The following CACNA2D3 variants were observed in gnomAD, a reference collection of about 807,000 sequenced individuals.
CACNA2D3 encodes calcium voltage-gated channel auxiliary subunit alpha2delta 3.
A neutral mutation model predicts 160.6 loss-of-function variants in CACNA2D3; 60 were observed. That is an observed-to-expected ratio of 0.37 (90% confidence interval 0.30 to 0.46). The LOEUF (loss-of-function observed/expected upper bound fraction) is 0.46, where lower values mean the gene tolerates loss of function less well. CACNA2D3 is among the 20% of genes least tolerant of loss of function. The pLI is 1.00. For synonymous variants in CACNA2D3, 558 were observed against 492.9 expected (o/e 1.13, Z -1.75); for missense variants, 1,205 against 1,365.0 (o/e 0.88, Z 1.85).
At chr3:54,526,249 T>G (rs1575503808) in intron 5 of CACNA2D3, among the ~76,000 whole-genome samples, 1 of 152,250 alleles carries the variant, frequency 6.6e-6, no homozygotes, top group South Asian at 2.1e-4. Flanking sequence ...TTAATTATGG[T>G]TTTCTTTAAT....
intron 34 of CACNA2D3, among the ~76,000 whole-genome samples, 173 bp from the exon 35 acceptor site, chr3:55,018,033 T>A (rs1343343365): frequency 6.6e-6 from 1 of 152,168 alleles, no homozygotes; most frequent in Non-Finnish European, 1.5e-5. Flanking sequence ...CTTATAGAGT[T>A]GCTTGGCAGA....
At chr3:54,976,410 C>T (rs184160374) in intron 29 of CACNA2D3, among the ~76,000 whole-genome samples, 2 of 151,980 alleles carry the variant, frequency 1.3e-5, no homozygotes, top group Admixed American at 1.3e-4. Flanking sequence ...TGCAGTGCAC[C>T]AGCATGTCAC....
At chr3:54,226,346 T>C (rs1701672751) in intron 2 of CACNA2D3, among the ~76,000 whole-genome samples, 1 of 144,524 alleles carries the variant, frequency 6.9e-6, no homozygotes, top group Non-Finnish European at 1.5e-5. Flanking sequence ...ACAGTTGCTC[T>C]GTCACCCAGG....
chr3:54,172,851 A>G (rs1347958224), intron 2 of CACNA2D3, among the ~76,000 whole-genome samples: 1 of 152,220 alleles, frequency 6.6e-6, no homozygotes, highest in African/African-American at 2.4e-5. Flanking sequence ...AGAGAAATCA[A>G]GTTTCTTTCC....
intron 34 of CACNA2D3, among the ~76,000 whole-genome samples, chr3:55,017,340 C>A (rs749593614): frequency 5.3e-5 from 8 of 152,122 alleles, no homozygotes; most frequent in Non-Finnish European, 1.2e-4. Context: ...AGCCTTCACC[C>A]TTAACCACTA....
intron 14 of CACNA2D3, among the ~76,000 whole-genome samples, chr3:54,822,001 G>A (rs1703614843): frequency 6.6e-6 from 1 of 152,092 alleles, no homozygotes; most frequent in Admixed American, 6.5e-5. Flanking sequence ...CTAAACTGAT[G>A]CAAATGAAGT....
At chr3:54,983,301 C>T (rs1390938816) in intron 29 of CACNA2D3, among the ~76,000 whole-genome samples, 2 of 152,130 alleles carry the variant, frequency 1.3e-5, no homozygotes, top group Non-Finnish European at 2.9e-5. Context: ...TTTTTAGTTG[C>T]ATTAATTTTA....
At chr3:54,733,278 G>A (rs140417603) in intron 11 of CACNA2D3, among the ~76,000 whole-genome samples, 3 of 152,260 alleles carry the variant, frequency 2.0e-5, no homozygotes, top group African/African-American at 7.2e-5. Context: ...AGTTACCCAC[G>A]TCACTTGGCA....
intron 4 of CACNA2D3, among the ~76,000 whole-genome samples, chr3:54,487,169 C>A (rs1038621450): frequency 1.3e-5 from 2 of 152,130 alleles, no homozygotes. Context: ...GAGTTTGAGA[C>A]CAGCCTGGGC....
intron 27 of CACNA2D3, chr3:54,927,855 A>C: frequency 6.2e-7 from 1 of 1,604,910 alleles, no homozygotes; most frequent in South Asian, 1.1e-5. Context: ...AGGGGATACC[A>C]TCTTTCTCCC....
At chr3:54,961,784 G>A (rs1444270836) in intron 27 of CACNA2D3, among the ~76,000 whole-genome samples, 1 of 152,138 alleles carries the variant, frequency 6.6e-6, no homozygotes, top group African/African-American at 2.4e-5. Context: ...GAAGGGGTGG[G>A]TGACAGGACA....
chr3:54,424,033 T>C (rs1234429018), intron 4 of CACNA2D3, among the ~76,000 whole-genome samples: 1 of 152,086 alleles, frequency 6.6e-6, no homozygotes, highest in Non-Finnish European at 1.5e-5. Context: ...GTACTATAGC[T>C]GCACACCACC....
intron 11 of CACNA2D3, among the ~76,000 whole-genome samples, chr3:54,687,144 T>TTTTTTTTTTTTTTG (rs1700477166): frequency 1.3e-5 from 1 of 74,498 alleles, no homozygotes; most frequent in Admixed American, 1.1e-4. Context: ...TGTTTTTTTT[T>TTTTTTTTTTTTTTG]TTTTTTGTTT....
At chr3:55,052,456 GTA>G (rs3061749) in intron 35 of CACNA2D3, among the ~76,000 whole-genome samples, 64,770 of 149,500 alleles carry the variant, frequency 0.43, 14,084 homozygotes, top group Admixed American at 0.55. Context: ...ACCTGTGTGT[GTA>G]TATATATATA....
At position 54,282,851 on chromosome 3, in the gene CACNA2D3, G is replaced by T. The variant is rs374316447; in HGVS notation, c.205-37591G>T. Among the ~76,000 whole-genome samples, 5 of 139,740 alleles carry T rather than the reference G, an allele frequency of 3.6e-5. No individual in the cohort carries two copies. The South Asian group carries it at 1.2e-3, about 34-fold the overall frequency. 91.7% of individuals were successfully genotyped at this position (139,740 alleles called of 152,430 possible). ...AACATACACTTTTAGTTTTCGCTTT[G>T]TTTTTTTTTTTGTCATCAAATACAG... On this transcript the variant is annotated intron_variant, in intron 2 of 37. Coordinates refer to ENST00000474759, the MANE Select transcript of CACNA2D3 (RefSeq NM_018398.3).
chr3:55,028,665 C>T lies in CACNA2D3; in HGVS notation c.2987+10348C>T, dbSNP rs903524771. ...GAACCAGTTAAGAAAAATAATTAAT[C>T]AAAAATAAAACTTTAAACACATGTA... On this transcript the variant is annotated intron_variant, in intron 35 of 37. Transcript: ENST00000474759. Among the ~76,000 whole-genome samples, 11 of 152,230 alleles carry T rather than the reference C, an allele frequency of 7.2e-5. No individual in the cohort carries two copies. The East Asian group carries it at 1.9e-3, about 27-fold the overall frequency.
intron 13 of CACNA2D3, among the ~76,000 whole-genome samples, chr3:54,769,642 A>G (rs768801055): frequency 2.1e-4 from 32 of 152,176 alleles, no homozygotes; most frequent in Non-Finnish European, 3.4e-4. Flanking sequence ...TATGAATGCA[A>G]TAAATACTAT....
chr3:54,714,866 T>G (rs914753672), intron 11 of CACNA2D3, among the ~76,000 whole-genome samples: 1 of 152,046 alleles, frequency 6.6e-6, no homozygotes, highest in Non-Finnish European at 1.5e-5. Context: ...AGAAATTGAG[T>G]TTTAGTGATA....
intron 35 of CACNA2D3, among the ~76,000 whole-genome samples, chr3:55,038,179 A>G (rs1703872515): frequency 3.3e-5 from 5 of 152,226 alleles, no homozygotes; most frequent in Admixed American, 3.3e-4. Flanking sequence ...TGGTTGTGGT[A>G]CCTAGAACAA....
Sources: allele counts gnomAD v4.1 joint callset (sites outside exome capture counted in the v4.1 genomes callset), GRCh38; gene constraint gnomAD v4.1.1; transcripts MANE v1.5; gene names NCBI Gene and HGNC (gene_info 2026-07-23, HGNC 2026-07-21).